Variants in PIK3C2G observed in about 807,000 individuals in gnomAD.
PIK3C2G encodes the protein phosphatidylinositol-4-phosphate 3-kinase catalytic subunit type 2 gamma.
Under a neutral mutation model 181.1 loss-of-function variants are expected in PIK3C2G, and 168 were observed. The ratio of observed to expected loss-of-function variants is 0.93; its 90% CI spans 0.82 to 1.05. The LOEUF (loss-of-function observed/expected upper bound fraction) is 1.05. Among genes scored for constraint, PIK3C2G ranks in the 50% least tolerant of loss-of-function variants. PIK3C2G has a pLI of 0.00. For missense variants in PIK3C2G, 1,869 were observed against 1,732.8 expected (o/e 1.08, Z -1.40); for synonymous variants, 573 against 592.2 (o/e 0.97, Z 0.47).
chr12:18,520,002 TA>T (rs889312316), intron 24 of PIK3C2G, among the ~76,000 whole-genome samples: 703 of 46,334 alleles, frequency 0.015, no homozygotes, highest in Middle Eastern at 0.037. Context: ...CAATAAATAC[TA>T]AAAAAAAAAA....
chr12:18,580,375 TA>T (rs983055317), intron 29 of PIK3C2G, among the ~76,000 whole-genome samples: 1 of 152,224 alleles, frequency 6.6e-6, no homozygotes, highest in African/African-American at 2.4e-5. Flanking sequence ...TAAGCAGTGT[TA>T]TTTTTTTAAA....
intron 13 of PIK3C2G, among the ~76,000 whole-genome samples, chr12:18,375,400 A>G (rs1056665992): frequency 6.6e-6 from 1 of 152,246 alleles, no homozygotes; most frequent in Non-Finnish European, 1.5e-5. Context: ...GTATCTGACA[A>G]GAGAAATTTC....
intron 24 of PIK3C2G, among the ~76,000 whole-genome samples, chr12:18,527,196 T>C (rs1260146597): frequency 1.3e-5 from 2 of 152,194 alleles, no homozygotes; most frequent in African/African-American, 2.4e-5. Flanking sequence ...TAAGGTACAA[T>C]GTGCTTGCCA....
intron 16 of PIK3C2G, among the ~76,000 whole-genome samples, chr12:18,416,107 T>C (rs1945161844): frequency 1.3e-5 from 2 of 152,016 alleles, no homozygotes; most frequent in Non-Finnish European, 2.9e-5. Flanking sequence ...TAGCTGGGTG[T>C]GGTGGCGGGT....
chr12:18,481,749 G>A (rs976985847), intron 18 of PIK3C2G, among the ~76,000 whole-genome samples: 4 of 152,064 alleles, frequency 2.6e-5, no homozygotes, highest in Admixed American at 2.6e-4. Flanking sequence ...AGGGAATAAA[G>A]AGAGGCAAAG....
At chr12:18,434,525 T>C (rs1946343851) in intron 18 of PIK3C2G, among the ~76,000 whole-genome samples, 1 of 152,162 alleles carries the variant, frequency 6.6e-6, no homozygotes. Flanking sequence ...AAGAGAATCA[T>C]AGCATGATGT....
upstream of PIK3C2G, among the ~76,000 whole-genome samples, chr12:18,244,300 TA>T (rs1219524243): frequency 6.6e-6 from 1 of 151,946 alleles, no homozygotes; most frequent in African/African-American, 2.4e-5. Flanking sequence ...AATAAAAGAA[TA>T]CTAAGATAAT....
At chr12:18,693,122 C>T in the PIK3C2G span, 1 of 1,518,198 alleles carries the variant, frequency 6.6e-7, no homozygotes, top group Non-Finnish European at 9.1e-7. Context: ...TGGAAGAGAT[C>T]ATTGATGACA....
intron 29 of PIK3C2G, among the ~76,000 whole-genome samples, chr12:18,574,254 T>C (rs1013059788): frequency 6.6e-6 from 1 of 152,296 alleles, no homozygotes; most frequent in Non-Finnish European, 1.5e-5. Flanking sequence ...CCTTTTGGAT[T>C]TTTTGCGTTT....
the PIK3C2G span, among the ~76,000 whole-genome samples, chr12:18,676,711 C>A: frequency 6.6e-6 from 1 of 152,082 alleles, no homozygotes; most frequent in Non-Finnish European, 1.5e-5. Context: ...AACTTGCCTG[C>A]CCACTTAACT....
intron 29 of PIK3C2G, among the ~76,000 whole-genome samples, chr12:18,573,926 T>A (rs1397020091): frequency 6.6e-6 from 1 of 152,188 alleles, no homozygotes; most frequent in African/African-American, 2.4e-5. Flanking sequence ...CCTAGAAAAT[T>A]GAAGGGAAAT....
At chr12:18,385,504 T>C (rs1943107902) in intron 14 of PIK3C2G, among the ~76,000 whole-genome samples, 1 of 152,128 alleles carries the variant, frequency 6.6e-6, no homozygotes, top group Admixed American at 6.5e-5. Context: ...TGTCACATAT[T>C]TAAGCACGAA....
At chr12:18,698,242 C>CTATTCTA in the PIK3C2G span, among the ~76,000 whole-genome samples, 3 of 145,510 alleles carry the variant, frequency 2.1e-5, no homozygotes, top group East Asian at 6.3e-4. Context: ...ATACACTTTT[C>CTATTCTA]TTCTATTCTA....
chr12:18,279,945 G>A (rs576563015), intron 1 of PIK3C2G, among the ~76,000 whole-genome samples: 2 of 152,038 alleles, frequency 1.3e-5, no homozygotes, highest in Non-Finnish European at 2.9e-5. Context: ...TTCCTTAGGT[G>A]ATTATGATTT....
intron 18 of PIK3C2G, among the ~76,000 whole-genome samples, chr12:18,469,945 GCTTT>G (rs1938297762): frequency 2.0e-5 from 3 of 149,640 alleles, no homozygotes; most frequent in African/African-American, 7.4e-5. Context: ...GGGTTTTATG[GCTTT>G]CTGAGACTGG....
At chr12:18,598,846 C>T (rs946948910) in intron 30 of PIK3C2G, among the ~76,000 whole-genome samples, 1 of 151,794 alleles carries the variant, frequency 6.6e-6, no homozygotes, top group Non-Finnish European at 1.5e-5. Context: ...AGGACATGAA[C>T]AGACGCTTCT....
Position 18,480,687 on chromosome 12 carries a change from G to A in PIK3C2G, c.2505-7762G>A, listed in dbSNP as rs548951001. ...ACTGCTCCTTTCCATGGCAGCAACC[G>A]AATGACCTGAAAGTGACCATACCAT... On this transcript the variant is annotated intron_variant, in intron 18 of 32. Coordinates refer to ENST00000538779, the MANE Select transcript of PIK3C2G (RefSeq NM_001288772.2). 7.9e-5 allele frequency among the ~76,000 whole-genome samples: 12 copies of A among 152,186 alleles called. No homozygotes were observed. In the South Asian group the frequency reaches 1.5e-3, roughly 18 times the overall value.
chr12:18,361,432 T>C (rs1227684338), intron 11 of PIK3C2G, among the ~76,000 whole-genome samples: 1 of 152,090 alleles, frequency 6.6e-6, no homozygotes, highest in Non-Finnish European at 1.5e-5. Flanking sequence ...TAGGTCATGA[T>C]CCCCTCTTTC....
chr12:18,565,282 C>T (rs1191420165), intron 28 of PIK3C2G, among the ~76,000 whole-genome samples: 1 of 152,106 alleles, frequency 6.6e-6, no homozygotes, highest in Non-Finnish European at 1.5e-5. Flanking sequence ...CAGTTCATAC[C>T]ATCTAACAGT....
Sources: gnomAD v4.1 joint callset for allele counts (sites outside exome capture counted in the v4.1 genomes callset) on GRCh38, gnomAD v4.1.1 for gene constraint, MANE v1.5 for transcripts, NCBI Gene and HGNC (gene_info 2026-07-23, HGNC 2026-07-21) for gene names.